RTN4: variants seen among roughly 807,000 people sequenced by gnomAD.
The protein encoded by RTN4 is reticulon-4.
Under a neutral mutation model 90.4 loss-of-function variants are expected in RTN4, and 32 were observed. The ratio of observed to expected loss-of-function variants is 0.35; its 90% CI spans 0.27 to 0.48. RTN4 has a LOEUF of 0.48. Ranked by LOEUF, RTN4 falls within the 20% of genes least tolerant of loss-of-function variation. RTN4 has a pLI of 0.99. For missense variants in RTN4, 1,706 were observed against 1,430.2 expected, an observed-to-expected ratio of 1.19 and a Z score of -3.11; for synonymous variants, 629 against 552.5, an observed-to-expected ratio of 1.14 and a Z score of -1.94.
rs1467057825 is a variant in RTN4 at position 55,049,991 on chromosome 2, G to T, written c.310C>A (p.Arg104=). The change falls in exon 1 of 9, where the codon CGG becomes AGG. Residue 104 remains arginine (R), a synonymous_variant. Transcript: ENST00000337526. Reference sequence around the variant, plus strand: ...GGGCTCGGGTCCCAAGACGGCTGCCGCTCCGGGGCGACGGGGGGAGCGGCC... The same window carrying T: ...GGGCTCGGGTCCCAAGACGGCTGCCTCTCCGGGGCGACGGGGGGAGCGGCC... The part of the protein sequence containing the change: ...LPAAPPVAPE[R]QPSWDPSPVS... 5.8e-6 allele frequency: 8 copies of T among 1,374,930 alleles called. No homozygotes were observed. Among genetic ancestry groups the T allele is most frequent in the African/African-American group, 4.6e-5 (3 of 65,564 alleles). 85.2% of individuals were successfully genotyped at this position (1,374,930 alleles called of 1,614,324 possible). A position where few individuals can be genotyped will look rare whatever the true frequency, so the allele number is the denominator to read the frequency against.
At chr2:54,999,571 C>T (rs548961564) in intron 3 of RTN4, among the ~76,000 whole-genome samples, 1 of 152,126 alleles carries the variant, frequency 6.6e-6, no homozygotes, top group East Asian at 1.9e-4. Context: ...ATATTAAGTT[C>T]TCTTTAATAA....
chr2:55,009,420 T>G (rs1680469911), intron 3 of RTN4, among the ~76,000 whole-genome samples: 1 of 152,094 alleles, frequency 6.6e-6, no homozygotes, highest in Non-Finnish European at 1.5e-5. Context: ...TACACAATGA[T>G]CCACTGAGAT....
At chr2:55,126,196 C>T in the RTN4 span, among the ~76,000 whole-genome samples, 5 of 151,830 alleles carry the variant, frequency 3.3e-5, no homozygotes, top group Admixed American at 2.6e-4. Context: ...ATGGAGAAAC[C>T]CCATCTCTAC....
chr2:55,001,667 G>C (rs1679858686), intron 3 of RTN4, among the ~76,000 whole-genome samples: 1 of 152,146 alleles, frequency 6.6e-6, no homozygotes, highest in Admixed American at 6.5e-5. Context: ...TTAATGTTGT[G>C]AGTGATGCTG....
intron 2 of RTN4, among the ~76,000 whole-genome samples, chr2:55,065,962 A>T (rs1668382644): frequency 6.6e-6 from 1 of 152,188 alleles, no homozygotes; most frequent in Non-Finnish European, 1.5e-5. Context: ...GCATATGGAA[A>T]ATAAACTTTA....
intron 3 of RTN4, among the ~76,000 whole-genome samples, chr2:55,010,611 G>A (rs1490196514): frequency 1.3e-5 from 2 of 152,034 alleles, no homozygotes; most frequent in Non-Finnish European, 1.5e-5. Flanking sequence ...TACCTAATAA[G>A]ATAAAAATGG....
intron 3 of RTN4, among the ~76,000 whole-genome samples, chr2:54,989,909 G>A (rs768571108): frequency 2.6e-5 from 4 of 151,968 alleles, no homozygotes; most frequent in Non-Finnish European, 4.4e-5. Flanking sequence ...TTTATTAGGA[G>A]GGTACAGTGA....
Position 54,982,640 on chromosome 2 carries a change from A to G in RTN4, c.3235T>C (p.Ser1079Pro), listed in dbSNP as rs1215317389. The G allele has an allele frequency of 1.2e-6, 2 of 1,607,924 alleles. No homozygotes were observed. Among genetic ancestry groups the G allele is most frequent in the Admixed American group, 3.4e-5 (2 of 58,860 alleles). Residue 1079 changes from serine (S) to proline (P), a missense_variant, in exon 5 of 9, where the codon TCT becomes CCT. Transcript: ENST00000337526. ...EGHPFRAYLE[S>P]EVAISEELVQ... ...AACTCCTCAGATATAGCAACTTCAG[A>G]TTCCAGATATGCCCTAGAAAACAAA...
At chr2:55,063,644 G>GC (rs1342783612) in intron 2 of RTN4, among the ~76,000 whole-genome samples, 1 of 150,706 alleles carries the variant, frequency 6.6e-6, no homozygotes, top group African/African-American at 2.4e-5. Flanking sequence ...ACTCTGGGAG[G>GC]CCAAGGTGGG....
At chr2:55,059,807 C>A (rs139391914) in intron 2 of RTN4, among the ~76,000 whole-genome samples, 2,034 of 151,888 alleles carry the variant, frequency 0.013, 37 homozygotes, top group African/African-American at 0.047. Flanking sequence ...GCATTCCAGC[C>A]TGGGCAACGG....
chr2:55,010,460 G>C, intron 3 of RTN4: 1 of 737,378 alleles, frequency 1.4e-6, no homozygotes, highest in Non-Finnish European at 1.8e-6. Context: ...AAGGAAATAA[G>C]GGTTGTTCTT....
At chr2:55,081,408 A>G (rs1668714973) in intron 1 of RTN4, among the ~76,000 whole-genome samples, 1 of 152,108 alleles carries the variant, frequency 6.6e-6, no homozygotes, top group Non-Finnish European at 1.5e-5. Context: ...ACACACCAGA[A>G]AATTAATTCA....
At position 55,025,058 on chromosome 2, in the gene RTN4, G is replaced by A. The variant is rs185241265; in HGVS notation, c.3013+28C>T. On this transcript the variant is annotated intron_variant, in intron 3 of 8. Transcript: ENST00000337526. ...CCCTAAATCCAAAAGTGGCATGAAA[G>A]CACAAAACTGCATATAGATTGGATT... 1.5e-5 allele frequency: 24 copies of A among 1,557,244 alleles called. No homozygotes were observed. In the East Asian group the frequency reaches 2.5e-4, roughly 16 times the overall value.
intron 1 of RTN4, among the ~76,000 whole-genome samples, chr2:55,029,197 G>A (rs1682127090): frequency 6.6e-6 from 1 of 152,116 alleles, no homozygotes; most frequent in African/African-American, 2.4e-5. Flanking sequence ...CTATAAGCCA[G>A]GAGAAGAGGC....
chr2:55,025,504 A>C lies in RTN4; in HGVS notation c.2595T>G (p.Ile865Met). 4 of 1,613,642 alleles carry C rather than the reference A, an allele frequency of 2.5e-6. 1 individual carries two copies. The highest frequency in any genetic ancestry group is 3.4e-6 in the Non-Finnish European group (4 of 1,179,722). The change falls in exon 3 of 9, where the codon ATT becomes ATG. Residue 865 changes from isoleucine to methionine, a missense_variant. Transcript: ENST00000337526. The stretch of plus-strand genomic sequence containing the variant: ...ATGTAGGGAACTCATCTATAATTTC[A>C]ATTGGAGATGAATCTGAAAACGTTT... Reference protein sequence around the residue: ...ETETFSDSSPIEIIDEFPTLI... With the variant: ...ETETFSDSSPMEIIDEFPTLI...
At chr2:55,098,357 T>C (rs1667788834) in intron 1 of RTN4, among the ~76,000 whole-genome samples, 1 of 152,108 alleles carries the variant, frequency 6.6e-6, no homozygotes, top group Non-Finnish European at 1.5e-5. Context: ...ACTTAGGCAC[T>C]TAATTTTTAA....
chr2:55,119,352 C>T, the RTN4 span, among the ~76,000 whole-genome samples: 87,527 of 152,052 alleles, frequency 0.58, 25,294 homozygotes, highest in African/African-American at 0.63. Context: ...ACCAGGCTGA[C>T]GATGGATAGG....
chr2:55,010,700 C>G (rs183745981), intron 3 of RTN4, among the ~76,000 whole-genome samples: 1 of 152,006 alleles, frequency 6.6e-6, no homozygotes, highest in Non-Finnish European at 1.5e-5. Flanking sequence ...TTCATTAAGA[C>G]GTAAAACATT....
chr2:54,991,885 G>A (rs1009263824), intron 3 of RTN4, among the ~76,000 whole-genome samples: 7 of 152,082 alleles, frequency 4.6e-5, no homozygotes, highest in Admixed American at 4.6e-4. Flanking sequence ...CTATCATTAT[G>A]GCAACTGTAT....
Sources: allele counts gnomAD v4.1 joint callset (sites outside exome capture counted in the v4.1 genomes callset), GRCh38; gene constraint gnomAD v4.1.1; transcripts MANE v1.5; gene names NCBI Gene and HGNC (gene_info 2026-07-23, HGNC 2026-07-21).